Variants in SYDE2 observed in about 807,000 individuals in gnomAD.
SYDE2 encodes the protein synapse defective Rho GTPase homolog 2, also known as rho GTPase-activating protein SYDE2.
SYDE2 carries 76 observed loss-of-function variants against 91.5 expected under a neutral mutation model. The observed-to-expected ratio is 0.83, with a 90% CI of 0.69 to 1.01. The LOEUF is 1.01. SYDE2 is among the 50% of genes least tolerant of loss of function. The pLI, the probability that SYDE2 is intolerant of heterozygous loss-of-function variation, is 0.00. For missense variants in SYDE2, 1,364 were observed against 1,367.7 expected, an observed-to-expected ratio of 1.00 and a Z score of 0.04; for synonymous variants, 513 against 506.4, an observed-to-expected ratio of 1.01 and a Z score of -0.18.
Position 85,190,502 on chromosome 1 carries a change from T to C in SYDE2, c.996A>G (p.Lys332=). 1 of 1,614,016 alleles carries C rather than the reference T, an allele frequency of 6.2e-7. No individual in the cohort carries two copies. Among genetic ancestry groups the C allele is most frequent in the Non-Finnish European group, 8.5e-7 (1 of 1,179,894 alleles). Residue 332 remains lysine (K), a synonymous_variant, in exon 2 of 7, where the codon AAA becomes AAG. Transcript: ENST00000341460. ...CATATGTACAGTACTCTTTAGATGA[T>C]TTGAGGAAAGACTGTGATAGCTGAT... ...PKHQLSQSFL[K]SSKEYCTYVV...
At chr1:85,198,548 T>C (rs1177974286) in intron 1 of SYDE2, among the ~76,000 whole-genome samples, 2 of 152,216 alleles carry the variant, frequency 1.3e-5, no homozygotes, top group Non-Finnish European at 2.9e-5. Flanking sequence ...ATATCTAAAA[T>C]ATTATCACAT....
Position 85,178,166 on chromosome 1 carries a change from G to T in SYDE2, c.2651C>A (p.Pro884Gln). 2 of 1,578,200 alleles carry T rather than the reference G, an allele frequency of 1.3e-6. No homozygotes were observed. Among genetic ancestry groups the T allele is most frequent in the East Asian group, 2.3e-5 (1 of 43,320 alleles). ...KAVGLCENQY[P>Q]DINVITGVLK... The stretch of plus-strand genomic sequence containing the variant: ...ATTACCTGTTATTACATTTATATCT[G>T]GGTACTGGTTTTCACACAGACCAAC... Residue 884 changes from proline to glutamine, a missense_variant, in exon 4 of 7, where the codon CCA (proline) becomes CAA (glutamine). Pro to Gln is a moderately conservative substitution (Grantham distance 76). Transcript: ENST00000341460.
intron 4 of SYDE2, among the ~76,000 whole-genome samples, chr1:85,171,125 T>TA (rs1657492114): frequency 6.6e-6 from 1 of 152,092 alleles, no homozygotes; most frequent in South Asian, 2.1e-4. Context: ...ATTTTGAACA[T>TA]ATGGAGCTTA....
chr1:85,200,480 C>A lies in SYDE2; in HGVS notation c.517G>T (p.Asp173Tyr), dbSNP rs141587551. 1.2e-3 allele frequency: 1,888 copies of A among 1,613,916 alleles called. 57 individuals carry two copies. In the East Asian group the frequency reaches 0.041, roughly 35 times the overall value. ...GSSVIRSGKGDRQEGPSFLRP... is the reference protein window; with the variant it reads ...GSSVIRSGKGYRQEGPSFLRP... Reference sequence around the variant, plus strand: ...AGGAAGGAGGGGCCTTCCTGGCGGTCTCCTTTGCCACTGCGTATCACAGAG... The same window carrying A: ...AGGAAGGAGGGGCCTTCCTGGCGGTATCCTTTGCCACTGCGTATCACAGAG... Residue 173 changes from aspartate (D) to tyrosine (Y), a missense_variant, in exon 1 of 7, where the codon GAC (aspartate) becomes TAC (tyrosine). Transcript: ENST00000341460.
Position 85,193,539 on chromosome 1 carries a change from G to T in SYDE2, c.746-2787C>A, listed in dbSNP as rs1658455300. On this transcript the variant is annotated intron_variant, in intron 1 of 6. Coordinates refer to ENST00000341460, the MANE Select transcript of SYDE2 (RefSeq NM_032184.2). ...CTACTACATTGCAAGGAACTACAGT[G>T]AGAAAAATAAAGCTACCAGTATCCC... Among the ~76,000 whole-genome samples, 3 of 152,128 alleles carry T rather than the reference G, an allele frequency of 2.0e-5. No homozygotes were observed. In the South Asian group the frequency reaches 6.2e-4, roughly 31 times the overall value.
intron 2 of SYDE2, among the ~76,000 whole-genome samples, chr1:85,184,777 G>T (rs1658063975): frequency 6.6e-6 from 1 of 151,880 alleles, no homozygotes; most frequent in East Asian, 1.9e-4. Context: ...TGGGAAGACT[G>T]CTTGAGCTGG....
chr1:85,187,579 C>T (rs375707177), intron 2 of SYDE2, among the ~76,000 whole-genome samples: 16 of 150,100 alleles, frequency 1.1e-4, no homozygotes, highest in African/African-American at 2.9e-4. Context: ...ATGTTTATTG[C>T]GGCACTATTC....
rs767709245 is a variant in SYDE2, at chr1:85,158,961, T to C, written c.3374A>G (p.Asn1125Ser). The change falls in exon 7 of 7, where the codon AAT becomes AGT. Residue 1125 changes from asparagine to serine, a missense_variant. Physicochemically the swap from Asn to Ser is conservative, Grantham distance 46. Coordinates refer to ENST00000341460, the MANE Select transcript of SYDE2 (RefSeq NM_032184.2). ...TTCTGGCCCATCCATTTTGCTATAA[T>C]TTTCTCCGATTTTTCTATCTTCTGA... ...VPSEDRKIGE[N>S]YSKMDGPEVM... 1.3e-6 allele frequency: 1 copy of C among 780,620 alleles called. No homozygotes were observed. Among genetic ancestry groups the C allele is most frequent in the Non-Finnish European group, 2.4e-6 (1 of 417,934 alleles). The allele number at this position is 780,620 out of a possible 1,614,324, so 48.4% of individuals were successfully genotyped here.
At chr1:85,166,685 A>G (rs533354876) in intron 5 of SYDE2, among the ~76,000 whole-genome samples, 59 of 152,348 alleles carry the variant, frequency 3.9e-4, no homozygotes, top group Admixed American at 7.2e-4. Flanking sequence ...AGTCAAATAT[A>G]TGAATCATAT....
rs1304702689 is a variant in SYDE2 at position 85,200,456 on chromosome 1, G to A, written c.541C>T (p.Leu181Phe). 3.1e-6 allele frequency: 5 copies of A among 1,613,976 alleles called. No homozygotes were observed. The highest frequency in any genetic ancestry group is 2.2e-5 in the East Asian group (1 of 44,864). ...TTGACTGTCACTGCCGGCGGCCTGA[G>A]GAAGGAGGGGCCTTCCTGGCGGTCT... ...KGDRQEGPSF[L>F]RPPAVTVKKL... Residue 181 changes from leucine to phenylalanine, a missense_variant, in exon 1 of 7, where the codon CTC becomes TTC. Leu to Phe is a conservative substitution (Grantham distance 22). Transcript: ENST00000341460.
chr1:85,187,869 G>T (rs1340065449), intron 2 of SYDE2, among the ~76,000 whole-genome samples: 2 of 138,634 alleles, frequency 1.4e-5, no homozygotes, highest in East Asian at 4.6e-4. Context: ...ACTGTTGTGG[G>T]GTGGGGGAGG....
rs751135845 is a variant in SYDE2, at chr1:85,182,737, T to C, written c.1905A>G (p.Lys635=). 6.8e-6 allele frequency: 11 copies of C among 1,613,928 alleles called. No homozygotes were observed. The Admixed American group carries it at 1.8e-4, about 27-fold the overall frequency. Residue 635 remains lysine (K), a synonymous_variant, in exon 3 of 7, where the codon AAA becomes AAG. Transcript: ENST00000341460. Reference sequence around the variant, plus strand: ...TTCCAAATTTGTTTTCAGATCCATGTTTGCTAGCTTTAGTTGTAAGTTCAG... The same window carrying C: ...TTCCAAATTTGTTTTCAGATCCATGCTTGCTAGCTTTAGTTGTAAGTTCAG... ...DSPELTTKAS[K]HGSENKFGKG... is the part of the protein sequence containing the mutation.
intron 6 of SYDE2, chr1:85,159,961 G>A: frequency 1.0e-6 from 1 of 984,660 alleles, no homozygotes; most frequent in Non-Finnish European, 1.2e-6. Flanking sequence ...TTTATTCTGA[G>A]AGTATGCATT....
chr1:85,186,158 G>C (rs1658130835), intron 2 of SYDE2, among the ~76,000 whole-genome samples: 1 of 152,104 alleles, frequency 6.6e-6, no homozygotes, highest in Non-Finnish European at 1.5e-5. Context: ...ACTTGATCTT[G>C]GTGGATAAGC....
At chr1:85,191,408 G>A (rs1253649872) in intron 1 of SYDE2, among the ~76,000 whole-genome samples, 1 of 151,954 alleles carries the variant, frequency 6.6e-6, no homozygotes, top group African/African-American at 2.4e-5. Flanking sequence ...TTTTGGCCAG[G>A]CACAAACTTA....
chr1:85,157,008 T>C lies in SYDE2; in HGVS notation c.*1742A>G, dbSNP rs1458563649. ...TACTTTCCTTTGACTGTTTACTCAATATATATGTTCTCTTGGTATTCTTCT... is the reference window on the plus strand; with the variant it reads ...TACTTTCCTTTGACTGTTTACTCAACATATATGTTCTCTTGGTATTCTTCT... On this transcript the variant is annotated 3_prime_UTR_variant, in exon 7 of 7. Transcript: ENST00000341460. The C allele has an allele frequency of 6.6e-6, 1 of 152,036 alleles. No individual in the cohort carries two copies. Among genetic ancestry groups the C allele is most frequent in the Non-Finnish European group, 1.5e-5 (1 of 67,936 alleles). 9.4% of individuals were successfully genotyped at this position (152,036 alleles called of 1,614,324 possible). A position where few individuals can be genotyped will look rare whatever the true frequency, so the allele number is the denominator to read the frequency against.
intron 4 of SYDE2, among the ~76,000 whole-genome samples, 176 bp downstream of exon 4, chr1:85,177,970 G>A (rs960788202): frequency 6.6e-6 from 1 of 152,122 alleles, no homozygotes; most frequent in Non-Finnish European, 1.5e-5. Flanking sequence ...TTGTGGGCAA[G>A]GGACCATAGC....
intron 1 of SYDE2, among the ~76,000 whole-genome samples, chr1:85,199,362 T>C (rs1173176932): frequency 6.6e-6 from 1 of 152,216 alleles, no homozygotes; most frequent in Non-Finnish European, 1.5e-5. Context: ...TATTTTGATA[T>C]TTACAACATA....
At position 85,190,349 on chromosome 1, in the gene SYDE2, T is replaced by C; in HGVS notation, c.1149A>G (p.Ile383Met). Residue 383 changes from isoleucine (I) to methionine (M), a missense_variant, in exon 2 of 7, where the codon ATA becomes ATG. Physicochemically the swap from Ile to Met is conservative, Grantham distance 10. Coordinates refer to ENST00000341460, the MANE Select transcript of SYDE2 (RefSeq NM_032184.2). Reference protein sequence around the residue: ...NPIPEDDDLGISSALSFGEAD... With the variant: ...NPIPEDDDLGMSSALSFGEAD... Reference sequence around the variant, plus strand: ...CCTCACCAAAACTCAAGGCACTTGATATACCAAGGTCATCATCCTCAGGAA... The same window carrying C: ...CCTCACCAAAACTCAAGGCACTTGACATACCAAGGTCATCATCCTCAGGAA... 3 of 1,613,966 alleles carry C rather than the reference T, an allele frequency of 1.9e-6. No homozygotes were observed. The highest frequency in any genetic ancestry group is 2.5e-6 in the Non-Finnish European group (3 of 1,179,874).
Sources: gnomAD v4.1 joint callset for allele counts (sites outside exome capture counted in the v4.1 genomes callset) on GRCh38, gnomAD v4.1.1 for gene constraint, MANE v1.5 for transcripts, NCBI Gene and HGNC (gene_info 2026-07-23, HGNC 2026-07-21) for gene names.